Variants in RAB11FIP3 observed in about 807,000 individuals in gnomAD.
RAB11FIP3 encodes RAB11 family interacting protein 3, also known as rab11 family-interacting protein 3.
RAB11FIP3 carries 17 observed loss-of-function variants against 77.8 expected under a neutral mutation model. The observed-to-expected ratio is 0.22, with a 90% confidence interval of 0.15 to 0.33. The LOEUF (loss-of-function observed/expected upper bound fraction) is 0.33, where lower values mean the gene tolerates loss of function less well. Ranked by LOEUF, RAB11FIP3 falls within the 10% of genes least tolerant of loss-of-function variation. The probability of loss-of-function intolerance (pLI) is 1.00; values close to 1 mark genes in which losing one functional copy is unlikely to be tolerated. For synonymous variants in RAB11FIP3, 437 were observed against 448.2 expected, an observed-to-expected ratio of 0.98 and a Z score of 0.31; for missense variants, 1,005 against 1,011.2, an observed-to-expected ratio of 0.99 and a Z score of 0.08.
At position 472,604 on chromosome 16, in the gene RAB11FIP3, C is replaced by A. The variant is rs968765390; in HGVS notation, c.903+1215C>A. 2.0e-5 allele frequency among the ~76,000 whole-genome samples: 3 copies of A among 152,226 alleles called. No homozygotes were observed. Among genetic ancestry groups the A allele is most frequent in the African/African-American group, 7.2e-5 (3 of 41,458 alleles). ...TGCAGGGTAACCCAGAGCCCTTGGT[C>A]TGCAACGTCCGGGGAACTGTGTGTT... On this transcript the variant is annotated intron_variant, in intron 3 of 13. Transcript: ENST00000262305. This position sits in a 1 kb window ranked among gnomAD's most constrained non-coding sequence, Gnocchi z 4.1.
chr16:445,578 C>G (rs1460583981), intron 1 of RAB11FIP3, among the ~76,000 whole-genome samples: 1 of 152,186 alleles, frequency 6.6e-6, no homozygotes, highest in East Asian at 1.9e-4. Context: ...GGGAGTGACT[C>G]TGGTCTGGTA....
chr16:443,397 C>T (rs2055258206), intron 1 of RAB11FIP3, among the ~76,000 whole-genome samples: 1 of 152,140 alleles, frequency 6.6e-6, no homozygotes, highest in South Asian at 2.1e-4. Context: ...ATAAAAACCC[C>T]ATCCAGCACC....
chr16:468,655 T>G (rs1343290026), intron 2 of RAB11FIP3, among the ~76,000 whole-genome samples: 1 of 152,112 alleles, frequency 6.6e-6, no homozygotes, highest in Non-Finnish European at 1.5e-5. Context: ...GAGGCTTTCC[T>G]GTCACAGCCA....
At chr16:488,414 AT>A (rs35375406) in intron 4 of RAB11FIP3, among the ~76,000 whole-genome samples, 60,301 of 148,088 alleles carry the variant, frequency 0.41, 13,452 homozygotes, top group Middle Eastern at 0.55. Context: ...TTATTTATTT[AT>A]TTTTTTTTTT....
At chr16:477,692 T>C in intron 3 of RAB11FIP3, 1 of 984,812 alleles carries the variant, frequency 1.0e-6, no homozygotes. Context: ...CTTACAGTGC[T>C]CTCCTGGTTC....
chr16:508,637 G>T (rs1285490739), intron 8 of RAB11FIP3, among the ~76,000 whole-genome samples: 1 of 152,138 alleles, frequency 6.6e-6, no homozygotes, highest in Non-Finnish European at 1.5e-5. Flanking sequence ...GCCTCCCAAA[G>T]TGCTGGGATT....
chr16:455,772 G>C (rs143381932), intron 1 of RAB11FIP3, among the ~76,000 whole-genome samples: 1 of 152,148 alleles, frequency 6.6e-6, no homozygotes, highest in Non-Finnish European at 1.5e-5. Flanking sequence ...GGAATTTTTT[G>C]TAGAGATGAG....
Position 462,893 on chromosome 16 carries a change from A to C in RAB11FIP3, c.808+1396A>C, listed in dbSNP as rs145647163. Reference sequence around the variant, plus strand: ...CTCAGCACAATGTCTTCCCCAGCACAATGTCTTCCCCAGCACCATCCCTTT... The same window carrying C: ...CTCAGCACAATGTCTTCCCCAGCACCATGTCTTCCCCAGCACCATCCCTTT... On this transcript the variant is annotated intron_variant, in intron 2 of 13. Transcript: ENST00000262305. Among the ~76,000 whole-genome samples, 815 of 142,676 alleles carry C rather than the reference A, an allele frequency of 5.7e-3. 8 individuals are homozygous for C. The highest frequency in any genetic ancestry group is 0.021 in the African/African-American group (775 of 37,608). 93.6% of individuals were successfully genotyped at this position (142,676 alleles called of 152,430 possible). A position where few individuals can be genotyped will look rare whatever the true frequency, so the allele number is the denominator to read the frequency against.
rs11866181 is a variant in RAB11FIP3, at chr16:437,146, C to T, written c.714+10426C>T. 2.0e-3 allele frequency among the ~76,000 whole-genome samples: 299 copies of T among 151,708 alleles called. 1 individual carries two copies. Among genetic ancestry groups the T allele is most frequent in the African/African-American group, 6.7e-3 (278 of 41,356 alleles). On this transcript the variant is annotated intron_variant, in intron 1 of 13. Transcript: ENST00000262305. ...TACAAAAATTAGCTGGGTGTGGTGG[C>T]GGGCACCTATAGTCCCAGCTACTGG...
At chr16:438,745 G>A (rs1402017319) in intron 1 of RAB11FIP3, among the ~76,000 whole-genome samples, 6 of 142,042 alleles carry the variant, frequency 4.2e-5, no homozygotes, top group African/African-American at 5.3e-5. Flanking sequence ...GCTGGAGTGC[G>A]GTGGCGCGAT....
intron 2 of RAB11FIP3, among the ~76,000 whole-genome samples, chr16:467,390 G>A (rs2055719636): frequency 6.6e-6 from 1 of 151,694 alleles, no homozygotes; most frequent in South Asian, 2.1e-4. Context: ...AGAGTGGAGT[G>A]GGCGTCAGGG....
chr16:429,336 T>A (rs546934468), intron 1 of RAB11FIP3, among the ~76,000 whole-genome samples: 2 of 152,230 alleles, frequency 1.3e-5, no homozygotes, highest in Non-Finnish European at 2.9e-5. Context: ...CATTAATGAT[T>A]TTTTTAAAAA....
rs2032741505 is a variant in RAB11FIP3, at chr16:522,370, C to T, written c.*1531C>T. The T allele has an allele frequency of 1.3e-5, 2 of 151,870 alleles. No homozygotes were observed. The highest frequency in any genetic ancestry group is 1.3e-4 in the Admixed American group (2 of 15,266). The allele number at this position is 151,870 out of a possible 1,614,324, so 9.4% of individuals were successfully genotyped here. On this transcript the variant is annotated 3_prime_UTR_variant, in exon 14 of 14. Transcript: ENST00000262305. ...GCAGTGCTGTCACTGTAAGCATGGA[C>T]TCCCAGGAGACAGTGTGGGAAACGC...
Position 520,389 on chromosome 16 carries a change from G to C in RAB11FIP3, c.2017-70G>C. 4 of 1,595,532 alleles carry C rather than the reference G, an allele frequency of 2.5e-6. No individual in the cohort carries two copies. In the East Asian group the frequency reaches 9.0e-5, roughly 36 times the overall value. On this transcript the variant is annotated intron_variant, in intron 12 of 13. Coordinates refer to ENST00000262305, the MANE Select transcript of RAB11FIP3 (RefSeq NM_014700.4). ...ATCTGAGCTGGAGGCCTTTTTCCCCGGGCAGTCCTTGTCCCTGCTCAGCCA... is the reference window on the plus strand; with the variant it reads ...ATCTGAGCTGGAGGCCTTTTTCCCCCGGCAGTCCTTGTCCCTGCTCAGCCA...
At chr16:458,244 T>G (rs553723154) in intron 1 of RAB11FIP3, among the ~76,000 whole-genome samples, 2 of 152,368 alleles carry the variant, frequency 1.3e-5, no homozygotes, top group African/African-American at 4.8e-5. Flanking sequence ...TCCTGGGCGA[T>G]GCTATAGCCT....
At chr16:482,140 A>C (rs958616382) in intron 3 of RAB11FIP3, among the ~76,000 whole-genome samples, 59 of 124,754 alleles carry the variant, frequency 4.7e-4, no homozygotes, top group South Asian at 1.1e-3. Context: ...ACCTGCAGGC[A>C]GGTGCCACCG....
rs1395321141 is a variant in RAB11FIP3 at position 446,138 on chromosome 16, G to A, written c.715-15266G>A. 2.0e-5 allele frequency among the ~76,000 whole-genome samples: 3 copies of A among 152,188 alleles called. No homozygotes were observed. The South Asian group carries it at 6.2e-4, about 32-fold the overall frequency. ...TGGGGGTGCGTGTCTCAACTACTCG[G>A]GAGGCTGAAGTGGGAAGATTACTGG... On this transcript the variant is annotated intron_variant, in intron 1 of 13. Coordinates refer to ENST00000262305, the MANE Select transcript of RAB11FIP3 (RefSeq NM_014700.4).
chr16:466,301 G>A (rs2055701268), intron 2 of RAB11FIP3, among the ~76,000 whole-genome samples: 1 of 152,214 alleles, frequency 6.6e-6, no homozygotes, highest in South Asian at 2.1e-4. Flanking sequence ...CCTCTGCAGG[G>A]TCAAGGCTGG....
chr16:457,202 GTC>G (rs1459419800), intron 1 of RAB11FIP3, among the ~76,000 whole-genome samples: 18 of 152,186 alleles, frequency 1.2e-4, no homozygotes, highest in African/African-American at 4.3e-4. Context: ...CCTGGGAGGA[GTC>G]TCTGGGATCC....
Sources: allele counts gnomAD v4.1 joint callset (sites outside exome capture counted in the v4.1 genomes callset), GRCh38; gene constraint gnomAD v4.1.1; non-coding constraint Gnocchi (gnomAD v3.1); transcripts MANE v1.5; gene names NCBI Gene and HGNC (gene_info 2026-07-23, HGNC 2026-07-21).